Variants in CBLC observed in about 807,000 individuals in gnomAD.
CBLC encodes the protein Cbl proto-oncogene C.
CBLC carries 46 observed loss-of-function variants against 58.6 expected under a neutral mutation model. The ratio of observed to expected loss-of-function variants is 0.79; its 90% CI spans 0.62 to 1.00. The LOEUF (loss-of-function observed/expected upper bound fraction) is 1.00. Ranked by LOEUF, CBLC falls within the 50% of genes least tolerant of loss-of-function variation. CBLC has a pLI of 0.00. For missense variants in CBLC, 655 were observed against 625.8 expected (o/e 1.05, Z -0.50); for synonymous variants, 271 against 264.2 (o/e 1.03, Z -0.25).
intron 1 of CBLC, among the ~76,000 whole-genome samples, chr19:44,778,845 GC>G (rs1366977365): frequency 7.6e-6 from 1 of 131,220 alleles, no homozygotes; most frequent in African/African-American, 3.1e-5. Flanking sequence ...AGAAACTCAG[GC>G]CCCCATCCCC....
At chr19:44,791,485 C>G (rs1968047438) in intron 6 of CBLC, among the ~76,000 whole-genome samples, 1 of 151,874 alleles carries the variant, frequency 6.6e-6, no homozygotes, top group Non-Finnish European at 1.5e-5. Flanking sequence ...GTAATTCCAG[C>G]ACTTTGGGAG....
At position 44,790,402 on chromosome 19, in the gene CBLC, G is replaced by C. The variant is rs374923827; in HGVS notation, c.1005+311G>C. Among the ~76,000 whole-genome samples, 13 of 152,166 alleles carry C rather than the reference G, an allele frequency of 8.5e-5. 1 individual carries two copies. The South Asian group carries it at 2.7e-3, about 32-fold the overall frequency. ...ATCTTCACAGCCACCCTACGAGTGA[G>C]AAAAACAACAATAACAAATAAATAA... On this transcript the variant is annotated intron_variant, in intron 6 of 10. Coordinates refer to ENST00000647358, the MANE Select transcript of CBLC (RefSeq NM_012116.4).
intron 9 of CBLC, among the ~76,000 whole-genome samples, chr19:44,798,933 C>G (rs574205463): frequency 5.9e-5 from 9 of 152,192 alleles, no homozygotes; most frequent in Non-Finnish European, 4.4e-5. Context: ...CAAGCCTCCA[C>G]TCACTCGGAG....
chr19:44,790,198 A>G, intron 6 of CBLC, 107 bp downstream of exon 6: 1 of 819,754 alleles, frequency 1.2e-6, no homozygotes, highest in South Asian at 1.4e-5. Context: ...TGGCTCTGTG[A>G]CCTTGGGTAA....
At chr19:44,783,914 T>C (rs1292217435) in intron 4 of CBLC, among the ~76,000 whole-genome samples, 1 of 152,194 alleles carries the variant, frequency 6.6e-6, no homozygotes, top group African/African-American at 2.4e-5. Context: ...GGGGGCACCT[T>C]GCTCTGACAC....
chr19:44,799,350 T>A (rs1568566512), intron 9 of CBLC, among the ~76,000 whole-genome samples: 1 of 152,106 alleles, frequency 6.6e-6, no homozygotes, highest in Non-Finnish European at 1.5e-5. Context: ...TTGTTTTGTT[T>A]TGAGACAGTT....
chr19:44,783,198 T>C (rs1040884719), intron 4 of CBLC, among the ~76,000 whole-genome samples: 1 of 148,582 alleles, frequency 6.7e-6, no homozygotes, highest in Non-Finnish European at 1.5e-5. Flanking sequence ...TGGTGAAACC[T>C]CATCTCTACT....
Position 44,780,679 on chromosome 19 carries a change from G to A in CBLC, c.354-226G>A, listed in dbSNP as rs145410463. Among the ~76,000 whole-genome samples, 657 of 151,518 alleles carry A rather than the reference G, an allele frequency of 4.3e-3. 6 individuals are homozygous for A. Among genetic ancestry groups the A allele is most frequent in the African/African-American group, 0.015 (631 of 41,266 alleles). ...GTACAGACAGGGTTTCACCATGTTG[G>A]CCAGGTTGGTCCCAAACTCCTGACT... On this transcript the variant is annotated intron_variant, in intron 1 of 10. Transcript: ENST00000647358.
rs773153802 is a variant in CBLC at position 44,800,455 on chromosome 19, G to A, written c.*7+5G>A. 63 of 1,602,388 alleles carry A rather than the reference G, an allele frequency of 3.9e-5. No homozygotes were observed. Among genetic ancestry groups the A allele is most frequent in the Middle Eastern group, 1.7e-4 (1 of 5,984 alleles). On this transcript the variant is annotated splice_donor_5th_base_variant and intron_variant, in intron 10 of 10. Coordinates refer to ENST00000647358, the MANE Select transcript of CBLC (RefSeq NM_012116.4). ...CTGCCCCGGCCTGAAGGCCAGGTGA[G>A]TCCATTCCCTAACCCTCCCTGGCCC...
In CBLC at chr19:44,792,354, G is replaced by T. The variant is rs116699712; in HGVS notation, c.1006-29G>T. The T allele has an allele frequency of 4.4e-4, 714 of 1,610,844 alleles. 6 individuals are homozygous for T. The African/African-American group carries it at 8.3e-3, about 19-fold the overall frequency. On this transcript the variant is annotated intron_variant, in intron 6 of 10. Transcript: ENST00000647358. Reference sequence around the variant, plus strand: ...TCCCCGTGGCTGACGCATGCCCCTCGCTGTCTTCTCTATCCTCTCACCTGC... The same window carrying T: ...TCCCCGTGGCTGACGCATGCCCCTCTCTGTCTTCTCTATCCTCTCACCTGC...
At chr19:44,791,377 T>C (rs1343545415) in intron 6 of CBLC, among the ~76,000 whole-genome samples, 1 of 151,926 alleles carries the variant, frequency 6.6e-6, no homozygotes, top group Non-Finnish European at 1.5e-5. Context: ...TCCAATACTT[T>C]TATTTGCTAA....
At chr19:44,791,051 G>T (rs534316615) in intron 6 of CBLC, among the ~76,000 whole-genome samples, 67 of 151,836 alleles carry the variant, frequency 4.4e-4, no homozygotes, top group Non-Finnish European at 7.1e-4. Context: ...CCCAGGAGGC[G>T]GAGGTTGCAG....
chr19:44,799,864 A>AAAAAGAAAGAGAAAAGGAAAAGAGAAT (rs1282505148), intron 9 of CBLC, among the ~76,000 whole-genome samples: 4 of 151,786 alleles, frequency 2.6e-5, no homozygotes, highest in Non-Finnish European at 4.4e-5. Flanking sequence ...AAAAAGAAGA[A>AAAAAGAAAGAGAAAAGGAAAAGAGAAT]AAAAGAAAGA....
intron 6 of CBLC, among the ~76,000 whole-genome samples, chr19:44,791,688 C>T (rs1469265294): frequency 6.7e-6 from 1 of 149,674 alleles, no homozygotes; most frequent in Non-Finnish European, 1.5e-5. Context: ...GCCAAGATCG[C>T]GCCACTGCAC....
chr19:44,788,702 C>T (rs1967973505), intron 5 of CBLC, among the ~76,000 whole-genome samples: 1 of 151,448 alleles, frequency 6.6e-6, no homozygotes, highest in South Asian at 2.1e-4. Context: ...GGGGTTTCAC[C>T]ATGTTGGCCA....
At position 44,800,029 on chromosome 19, in the gene CBLC, G is replaced by A. The variant is rs905586892; in HGVS notation, c.1363-352G>A. Among the ~76,000 whole-genome samples the A allele has an allele frequency of 5.5e-4, 83 of 152,288 alleles. 2 individuals are homozygous for A. The highest frequency in any genetic ancestry group is 4.1e-4 in the Non-Finnish European group (28 of 68,030). On this transcript the variant is annotated intron_variant, in intron 9 of 10. Transcript: ENST00000647358. The stretch of plus-strand genomic sequence containing the variant: ...TTCATCCTACACGAGTTAGAGGTGA[G>A]AGGGAAAAGGCAGCATGGACTAGGG...
At chr19:44,795,422 T>TG (rs1968158662) in intron 9 of CBLC, among the ~76,000 whole-genome samples, 1 of 151,678 alleles carries the variant, frequency 6.6e-6, no homozygotes, top group African/African-American at 2.4e-5. Context: ...GAGGCTGAGG[T>TG]GGGAGGGTCC....
chr19:44,789,284 T>C (rs1967986718), intron 5 of CBLC, among the ~76,000 whole-genome samples: 1 of 152,184 alleles, frequency 6.6e-6, no homozygotes, highest in Non-Finnish European at 1.5e-5. Context: ...TCTCAGAGGA[T>C]CTTTCCATCC....
chr19:44,785,025 G>A (rs554570956), intron 5 of CBLC, among the ~76,000 whole-genome samples: 191 of 128,580 alleles, frequency 1.5e-3, no homozygotes, highest in Non-Finnish European at 2.3e-3. Flanking sequence ...TGACTGGAGT[G>A]CAATGGCATG....
Sources: gnomAD v4.1 joint callset for allele counts (sites outside exome capture counted in the v4.1 genomes callset) on GRCh38, gnomAD v4.1.1 for gene constraint, MANE v1.5 for transcripts, NCBI Gene and HGNC (gene_info 2026-07-23, HGNC 2026-07-21) for gene names.